Variants in ADGRD1 observed in about 807,000 individuals in gnomAD.
The protein encoded by ADGRD1 is G-protein coupled receptor 133.
Under a neutral mutation model 113.4 loss-of-function variants are expected in ADGRD1, and 77 were observed. That is an observed-to-expected ratio of 0.68 (90% CI 0.57 to 0.82). The LOEUF (loss-of-function observed/expected upper bound fraction) is 0.82, where lower values mean the gene tolerates loss of function less well. ADGRD1 is among the 40% of genes least tolerant of loss of function. ADGRD1 has a pLI of 0.00. For missense variants in ADGRD1, 1,036 were observed against 1,139.1 expected, an observed-to-expected ratio of 0.91 and a Z score of 1.30; for synonymous variants, 474 against 475.0, an observed-to-expected ratio of 1.00 and a Z score of 0.03.
chr12:130,958,919 C>T (rs984882739), intron 2 of ADGRD1, among the ~76,000 whole-genome samples: 1 of 152,224 alleles, frequency 6.6e-6, no homozygotes, highest in African/African-American at 2.4e-5. Context: ...GGTGGAGAAG[C>T]GTGTCTTTCA....
chr12:131,120,951 G>T, intron 20 of ADGRD1, 38 bp downstream of exon 20: 1 of 1,586,032 alleles, frequency 6.3e-7, no homozygotes. Context: ...AGCGGGGCTG[G>T]GGAGGGGCAG....
At chr12:131,031,770 A>G (rs1880783017) in intron 13 of ADGRD1, among the ~76,000 whole-genome samples, 1 of 152,170 alleles carries the variant, frequency 6.6e-6, no homozygotes, top group Non-Finnish European at 1.5e-5. Context: ...CCAAAACCTC[A>G]GGAAGTGACT....
chr12:131,102,350 G>A lies in ADGRD1; in HGVS notation c.1672-2481G>A, dbSNP rs1950108021. 2.6e-5 allele frequency among the ~76,000 whole-genome samples: 4 copies of A among 152,350 alleles called. No homozygotes were observed. The South Asian group carries it at 6.2e-4, about 24-fold the overall frequency. On this transcript the variant is annotated intron_variant, in intron 15 of 24. Transcript: ENST00000261654. ...ATGCTGCGGTGGGAATGCACTGGCA[G>A]CACCCGCCTGTTGAGGAACTTGTTT...
At chr12:131,115,444 A>G (rs923242374) in intron 18 of ADGRD1, among the ~76,000 whole-genome samples, 14 of 152,172 alleles carry the variant, frequency 9.2e-5, no homozygotes, top group African/African-American at 3.4e-4. Context: ...AGGTGGCACC[A>G]GTGACTTCCA....
intron 21 of ADGRD1, among the ~76,000 whole-genome samples, chr12:131,134,126 G>C (rs1352542467): frequency 6.6e-6 from 1 of 152,248 alleles, no homozygotes; most frequent in African/African-American, 2.4e-5. Context: ...GGTTTTACAA[G>C]TGGGACCCTG....
At chr12:131,072,125 G>A (rs1329154763) in intron 13 of ADGRD1, among the ~76,000 whole-genome samples, 6 of 151,148 alleles carry the variant, frequency 4.0e-5, no homozygotes, top group Admixed American at 2.0e-4. Context: ...ATGCCTCTCC[G>A]GCTTGCAGGC....
chr12:131,105,858 C>T lies in ADGRD1; in HGVS notation c.1880C>T (p.Pro627Leu), dbSNP rs1414920260. The T allele has an allele frequency of 9.4e-6, 15 of 1,596,904 alleles. No individual in the cohort carries two copies. Among genetic ancestry groups the T allele is most frequent in the Admixed American group, 6.7e-5 (4 of 59,842 alleles). Residue 627 changes from proline to leucine, a missense_variant, in exon 17 of 25, where the codon CCG (proline) becomes CTG (leucine). Transcript: ENST00000261654. Reference sequence around the variant, plus strand: ...CTGCTCATTAGTTTCCGCCTCGAGCCGGGCACGGTGAGTGGGCGCAGCTCC... The same window carrying T: ...CTGCTCATTAGTTTCCGCCTCGAGCTGGGCACGGTGAGTGGGCGCAGCTCC... ...VLLLISFRLEPGTTPCQVMAV... is the reference protein window; with the variant it reads ...VLLLISFRLELGTTPCQVMAV...
chr12:131,099,083 C>T (rs1220567937), intron 15 of ADGRD1, among the ~76,000 whole-genome samples: 2 of 152,194 alleles, frequency 1.3e-5, no homozygotes, highest in Non-Finnish European at 2.9e-5. Flanking sequence ...CTCCATGATG[C>T]CTAGAGTTTG....
At chr12:131,009,040 C>T (rs1238507726) in intron 12 of ADGRD1, among the ~76,000 whole-genome samples, 4 of 152,168 alleles carry the variant, frequency 2.6e-5, no homozygotes, top group Admixed American at 6.5e-5. Flanking sequence ...AGCAGGGTTG[C>T]GGGGCGGGGG....
chr12:130,987,475 T>C (rs899331030), intron 6 of ADGRD1, 126 bp downstream of exon 6: 5 of 1,021,806 alleles, frequency 4.9e-6, no homozygotes, highest in Admixed American at 4.6e-5. Context: ...TGTGTCCTAA[T>C]GAACCTTATA....
rs61936888 is a variant in ADGRD1 at position 130,954,148 on chromosome 12, C to T, written c.-318C>T. ...GCCTCCCGTCCCCGGGCGCAGGTCG[C>T]GGTCACAGTGGTGACCTGGGATTGC... On this transcript the variant is annotated 5_prime_UTR_variant, in exon 1 of 25. Transcript: ENST00000261654. The surrounding 1 kb of genome is among the most constrained non-coding windows in gnomAD (Gnocchi z 4.7). 0.08 allele frequency: 26,028 copies of T among 325,794 alleles called. 1,272 individuals are homozygous for T. The highest frequency in any genetic ancestry group is 0.096 in the Non-Finnish European group (17,412 of 181,478). The allele number at this position is 325,794 out of a possible 1,614,324, so 20.2% of individuals were successfully genotyped here.
rs756501301 is a variant in ADGRD1, at chr12:131,108,878, G to T, written c.2041+1G>T. 5 of 1,141,118 alleles carry T rather than the reference G, an allele frequency of 4.4e-6. No homozygotes were observed. The South Asian group carries it at 6.1e-5, about 14-fold the overall frequency. The allele number at this position is 1,141,118 out of a possible 1,614,324, so 70.7% of individuals were successfully genotyped here. A position where few individuals can be genotyped will look rare whatever the true frequency, so the allele number is the denominator to read the frequency against. On this transcript the variant is annotated splice_donor_variant, in intron 18 of 24. Coordinates refer to ENST00000261654, the MANE Select transcript of ADGRD1 (RefSeq NM_198827.5). LOFTEE classifies it high-confidence loss of function. The stretch of plus-strand genomic sequence containing the variant: ...CGTTACTACTATGGGATGGGATGGG[G>T]TAGGTGGGGCAGGGCAGGTGGGATG...
At chr12:131,005,409 G>T (rs1044140577) in intron 11 of ADGRD1, among the ~76,000 whole-genome samples, 1 of 152,218 alleles carries the variant, frequency 6.6e-6, no homozygotes. Context: ...AATAGCAAAA[G>T]CACATGTGAC....
chr12:131,048,874 G>T (rs906711218), intron 13 of ADGRD1, among the ~76,000 whole-genome samples: 7 of 152,148 alleles, frequency 4.6e-5, no homozygotes, highest in Admixed American at 4.6e-4. Context: ...AGGGCCTCCA[G>T]CTGGTGGGGA....
chr12:130,992,147 G>T, intron 7 of ADGRD1, 90 bp from the exon 8 acceptor site: 3 of 938,792 alleles, frequency 3.2e-6, no homozygotes, highest in Non-Finnish European at 4.8e-6. Context: ...ATTAAAAAAA[G>T]CATTCGACCC....
intron 5 of ADGRD1, among the ~76,000 whole-genome samples, chr12:130,983,939 G>A (rs923894077): frequency 2.0e-5 from 3 of 152,208 alleles, no homozygotes; most frequent in African/African-American, 7.2e-5. Context: ...GAACATTCTT[G>A]TTGATGAGCG....
chr12:131,068,180 G>A (rs1414735845), intron 13 of ADGRD1, among the ~76,000 whole-genome samples: 2 of 152,318 alleles, frequency 1.3e-5, no homozygotes, highest in Non-Finnish European at 1.5e-5. Context: ...TTGGAATCCC[G>A]GACAGGCAGA....
intron 20 of ADGRD1, among the ~76,000 whole-genome samples, chr12:131,123,557 C>T (rs1225129217): frequency 1.3e-5 from 2 of 151,732 alleles, no homozygotes; most frequent in African/African-American, 4.8e-5. Flanking sequence ...CGCGGTGGCT[C>T]ACGCCTGTAA....
chr12:131,074,482 G>A (rs942078354), intron 13 of ADGRD1, among the ~76,000 whole-genome samples: 10 of 152,160 alleles, frequency 6.6e-5, no homozygotes, highest in African/African-American at 2.2e-4. Context: ...ACCTGGTGAC[G>A]AACTGAACTG....
Sources: allele counts gnomAD v4.1 joint callset (sites outside exome capture counted in the v4.1 genomes callset), GRCh38; gene constraint gnomAD v4.1.1; non-coding constraint Gnocchi (gnomAD v3.1); transcripts MANE v1.5; gene names NCBI Gene and HGNC (gene_info 2026-07-23, HGNC 2026-07-21).